Variants in SHTN1 observed in about 807,000 individuals in gnomAD.
SHTN1 encodes the protein shootin-1.
In SHTN1, 42 loss-of-function variants were observed where a neutral mutation model predicts 83.1. The observed-to-expected ratio is 0.51, with a 90% confidence interval of 0.39 to 0.65. SHTN1 has a LOEUF of 0.65. SHTN1 is among the 30% of genes least tolerant of loss of function. The pLI is 0.00. For missense variants in SHTN1, 622 were observed against 737.8 expected (o/e 0.84, Z 1.82); for synonymous variants, 224 against 247.7 (o/e 0.90, Z 0.90).
chr10:116,927,026 G>T (rs1468644628), intron 11 of SHTN1, among the ~76,000 whole-genome samples: 1 of 152,144 alleles, frequency 6.6e-6, no homozygotes. Flanking sequence ...TCTTTCTTAT[G>T]GACGGTTCCT....
intron 12 of SHTN1, 72 bp from the exon 13 acceptor site, chr10:116,915,556 G>T: frequency 1.2e-6 from 1 of 848,360 alleles, no homozygotes; most frequent in Non-Finnish European, 1.9e-6. Flanking sequence ...TTGGTGACTT[G>T]GAAAAATTAC....
chr10:116,897,752 C>T (rs1428319438), intron 16 of SHTN1, among the ~76,000 whole-genome samples: 2 of 152,140 alleles, frequency 1.3e-5, no homozygotes, highest in South Asian at 4.2e-4. Flanking sequence ...CCCAGGGTCA[C>T]AAATATCTAA....
chr10:117,061,156 T>C (rs1411236479), intron 1 of SHTN1, among the ~76,000 whole-genome samples: 1 of 150,824 alleles, frequency 6.6e-6, no homozygotes, highest in Admixed American at 6.6e-5. Flanking sequence ...TTTTTCTTTT[T>C]TTTTTTCTGA....
intron 1 of SHTN1, among the ~76,000 whole-genome samples, chr10:117,050,053 G>GT (rs1235858854): frequency 1.3e-5 from 2 of 152,170 alleles, no homozygotes; most frequent in East Asian, 3.9e-4. Context: ...TTAGCTAGAT[G>GT]TAGTGGTATG....
intron 1 of SHTN1, among the ~76,000 whole-genome samples, chr10:116,980,139 A>C (rs1387094504): frequency 6.6e-6 from 1 of 152,164 alleles, no homozygotes; most frequent in Non-Finnish European, 1.5e-5. Context: ...GTATCCCTAC[A>C]GTTGAGAATA....
chr10:116,948,058 G>C (rs1447554588), intron 7 of SHTN1, among the ~76,000 whole-genome samples: 2 of 152,146 alleles, frequency 1.3e-5, no homozygotes, highest in Non-Finnish European at 2.9e-5. Flanking sequence ...TTCTAAACAA[G>C]GAAAGAGAGT....
chr10:117,067,946 G>A (rs951482474), intron 1 of SHTN1, among the ~76,000 whole-genome samples: 4 of 152,178 alleles, frequency 2.6e-5, no homozygotes, highest in Admixed American at 2.0e-4. Context: ...ATAAGGAATA[G>A]CTTGGAGAGC....
intron 2 of SHTN1, among the ~76,000 whole-genome samples, chr10:117,019,839 A>AC (rs1275937294): frequency 6.6e-5 from 10 of 151,892 alleles, no homozygotes; most frequent in Middle Eastern, 6.8e-3. Flanking sequence ...AAAAAAAAAA[A>AC]AGAGAAAAAG....
At chr10:116,910,709 C>T (rs1016128442) in intron 14 of SHTN1, among the ~76,000 whole-genome samples, 1 of 152,182 alleles carries the variant, frequency 6.6e-6, no homozygotes, top group Non-Finnish European at 1.5e-5. Flanking sequence ...ACAAAAGAGA[C>T]TGTCATAGGG....
chr10:117,115,353 G>A (rs187842446), intron 1 of SHTN1, among the ~76,000 whole-genome samples: 1 of 152,084 alleles, frequency 6.6e-6, no homozygotes, highest in South Asian at 2.1e-4. Flanking sequence ...CAAGTGTCTG[G>A]CCCATAGAAG....
intron 1 of SHTN1, among the ~76,000 whole-genome samples, chr10:116,989,726 A>G (rs765680634): frequency 9.9e-5 from 15 of 152,162 alleles, no homozygotes; most frequent in Non-Finnish European, 2.1e-4. Context: ...CACTTCTCTA[A>G]AATGAAGTGT....
At chr10:117,053,181 G>A (rs1364595142) in intron 1 of SHTN1, among the ~76,000 whole-genome samples, 4 of 151,632 alleles carry the variant, frequency 2.6e-5, no homozygotes, top group Middle Eastern at 3.4e-3. Flanking sequence ...GAATAGTAAT[G>A]ATCTTTAGAA....
At chr10:117,039,745 C>T (rs1249959396) in intron 2 of SHTN1, among the ~76,000 whole-genome samples, 2 of 150,848 alleles carry the variant, frequency 1.3e-5, no homozygotes, top group Admixed American at 6.6e-5. Flanking sequence ...CCCAGCTACT[C>T]GGGAGGCTGA....
intron 1 of SHTN1, among the ~76,000 whole-genome samples, chr10:116,980,159 G>C (rs1423448142): frequency 6.6e-6 from 1 of 152,000 alleles, no homozygotes; most frequent in African/African-American, 2.4e-5. Context: ...ATAAAGTTTT[G>C]AACACATGAA....
chr10:117,046,152 C>T (rs1852659438), intron 2 of SHTN1, among the ~76,000 whole-genome samples: 1 of 151,866 alleles, frequency 6.6e-6, no homozygotes, highest in Non-Finnish European at 1.5e-5. Flanking sequence ...TGCTGTAGAT[C>T]CAGGAAGCTC....
rs1302067550 is a variant in SHTN1, at chr10:116,922,540, G to A, written c.1113-1024C>T. Among the ~76,000 whole-genome samples, 3 of 152,202 alleles carry A rather than the reference G, an allele frequency of 2.0e-5. No individual in the cohort carries two copies. In the East Asian group the frequency reaches 5.8e-4, roughly 29 times the overall value. ...CATGAAGAATTTCCGTAATTCCCCA[G>A]AACTGGTAATAACTCAAATGTCCAT... is the stretch of plus-strand genomic sequence containing the variant. On this transcript the variant is annotated intron_variant, in intron 11 of 16. Coordinates refer to ENST00000355371, the MANE Select transcript of SHTN1 (RefSeq NM_001127211.3).
chr10:116,927,526 C>G (rs1001530209), intron 11 of SHTN1, among the ~76,000 whole-genome samples: 5 of 152,090 alleles, frequency 3.3e-5, no homozygotes, highest in African/African-American at 1.2e-4. Context: ...ACCATCAGAT[C>G]TCATGAGATT....
intron 1 of SHTN1, among the ~76,000 whole-genome samples, chr10:117,077,730 T>C (rs1328616988): frequency 6.6e-6 from 1 of 152,076 alleles, no homozygotes; most frequent in Non-Finnish European, 1.5e-5. Context: ...CATGCGGTGT[T>C]TGGTTTTTTG....
chr10:116,990,944 T>C (rs1344745899), intron 1 of SHTN1, among the ~76,000 whole-genome samples: 4 of 152,066 alleles, frequency 2.6e-5, no homozygotes, highest in Admixed American at 2.0e-4. Flanking sequence ...CTCAGCACTT[T>C]GGGAGGCCGA....
Sources: gnomAD v4.1 joint callset for allele counts (sites outside exome capture counted in the v4.1 genomes callset) on GRCh38, gnomAD v4.1.1 for gene constraint, MANE v1.5 for transcripts, NCBI Gene and HGNC (gene_info 2026-07-23, HGNC 2026-07-21) for gene names.